The following PYROXD2 variants were observed in gnomAD, a reference collection of about 807,000 sequenced individuals.
PYROXD2 encodes the protein pyridine nucleotide-disulphide oxidoreductase domain 2, also known as pyridine nucleotide-disulfide oxidoreductase domain-containing protein 2.
PYROXD2 carries 69 observed loss-of-function variants against 71.1 expected under a neutral mutation model. The ratio of observed to expected loss-of-function variants is 0.97; its 90% CI spans 0.80 to 1.19. PYROXD2 has a LOEUF of 1.19. PYROXD2 is among the 50% of genes most tolerant of loss of function. PYROXD2 has a pLI of 0.00. For missense variants in PYROXD2, 745 were observed against 748.9 expected, an observed-to-expected ratio of 0.99 and a Z score of 0.06; for synonymous variants, 287 against 302.7, an observed-to-expected ratio of 0.95 and a Z score of 0.54.
intron 4 of PYROXD2, among the ~76,000 whole-genome samples, chr10:98,400,462 G>A (rs190672205): frequency 2.4e-4 from 37 of 151,928 alleles, no homozygotes; most frequent in African/African-American, 4.3e-4. Flanking sequence ...GTATCACATC[G>A]CAGTACACTA....
chr10:98,410,269 G>A (rs1843741677), intron 2 of PYROXD2, among the ~76,000 whole-genome samples: 1 of 152,232 alleles, frequency 6.6e-6, no homozygotes, highest in Non-Finnish European at 1.5e-5. Flanking sequence ...GCTGCTTCAA[G>A]AAGATGTTCC....
chr10:98,411,114 C>T, intron 1 of PYROXD2, 156 bp from the exon 2 acceptor site: 1 of 1,013,040 alleles, frequency 9.9e-7, no homozygotes, highest in South Asian at 1.6e-5. Context: ...GTTGGAACAG[C>T]ATCTAGTTCA....
At chr10:98,406,280 T>A (rs1486379395) in intron 4 of PYROXD2, among the ~76,000 whole-genome samples, 1 of 152,202 alleles carries the variant, frequency 6.6e-6, no homozygotes, top group Non-Finnish European at 1.5e-5. Context: ...AAGAGAATAA[T>A]CAAGTGAAAA....
At chr10:98,410,786 A>T in intron 2 of PYROXD2, 153 bp downstream of exon 2, 1 of 1,141,086 alleles carries the variant, frequency 8.8e-7, no homozygotes, top group Non-Finnish European at 1.2e-6. Flanking sequence ...CCCAGCCCCC[A>T]GTCAGCACTG....
intron 5 of PYROXD2, among the ~76,000 whole-genome samples, chr10:98,398,244 C>T (rs1024983346): frequency 1.2e-4 from 19 of 152,108 alleles, no homozygotes; most frequent in Admixed American, 1.3e-4. Flanking sequence ...TATTCTTTTC[C>T]GGTCTGTAGG....
At chr10:98,414,958 G>A in intron 1 of PYROXD2, 51 bp downstream of exon 1, 1 of 1,592,086 alleles carries the variant, frequency 6.3e-7, no homozygotes, top group Middle Eastern at 1.7e-4. Flanking sequence ...GCTCTGAGCA[G>A]GGCTGTCTTC....
intron 5 of PYROXD2, among the ~76,000 whole-genome samples, chr10:98,399,066 G>A (rs1198500049): frequency 1.2e-4 from 19 of 152,258 alleles, no homozygotes; most frequent in East Asian, 9.7e-4. Flanking sequence ...GCTTGAACCC[G>A]GGAGGCAGAG....
intron 4 of PYROXD2, among the ~76,000 whole-genome samples, chr10:98,404,560 GA>G (rs572189051): frequency 1.9e-3 from 286 of 151,774 alleles, no homozygotes; most frequent in Non-Finnish European, 3.7e-3. Flanking sequence ...TTAAAAAACA[GA>G]AAAAAAACCC....
chr10:98,393,210 A>G, intron 8 of PYROXD2, 127 bp from the exon 9 acceptor site: 2 of 726,264 alleles, frequency 2.8e-6, no homozygotes, highest in South Asian at 4.1e-5. Flanking sequence ...CTCTCCCAGC[A>G]GCCTTCAATG....
At chr10:98,392,723 G>A (rs1221063036) in intron 9 of PYROXD2, among the ~76,000 whole-genome samples, 157 bp from the exon 10 acceptor site, 1 of 152,204 alleles carries the variant, frequency 6.6e-6, no homozygotes, top group East Asian at 1.9e-4. Context: ...TGAAGCCTCA[G>A]CTTCTCCATG....
At chr10:98,388,622 T>C in intron 12 of PYROXD2, 114 bp from the exon 13 acceptor site, 1 of 1,168,290 alleles carries the variant, frequency 8.6e-7, no homozygotes, top group African/African-American at 1.6e-5. Context: ...TTCTGGGCGA[T>C]TGTCGCTCTA....
intron 5 of PYROXD2, among the ~76,000 whole-genome samples, chr10:98,399,518 G>A (rs1244669902): frequency 6.6e-6 from 1 of 152,108 alleles, no homozygotes; most frequent in Non-Finnish European, 1.5e-5. Flanking sequence ...AGTTCCAAGG[G>A]AAAAAAGTGC....
Position 98,391,080 on chromosome 10 carries a change from C to T in PYROXD2, c.1065G>A (p.Glu355=). ...TCTCCAGGAACTCCTCAGGAAGCCA[C>T]TCCTGGAAGGAGAAGGCTCCATGAA... The part of the protein sequence containing the change: ...QITFLKLTPQ[E]WLPEEFLERI... Residue 355 remains glutamate, a splice_region_variant and synonymous_variant, in exon 11 of 16, where the codon GAG becomes GAA. Coordinates refer to ENST00000370575, the MANE Select transcript of PYROXD2 (RefSeq NM_032709.3). 1 of 1,607,598 alleles carries T rather than the reference C, an allele frequency of 6.2e-7. No homozygotes were observed. Among genetic ancestry groups the T allele is most frequent in the Non-Finnish European group, 8.5e-7 (1 of 1,174,208 alleles).
At chr10:98,407,493 T>C in intron 4 of PYROXD2, 89 bp downstream of exon 4, 2 of 1,528,736 alleles carry the variant, frequency 1.3e-6, no homozygotes, top group Non-Finnish European at 1.8e-6. Context: ...GGGCATCACC[T>C]CGGGCACAGA....
intron 4 of PYROXD2, among the ~76,000 whole-genome samples, chr10:98,403,562 C>G (rs1261436673): frequency 6.6e-6 from 1 of 152,232 alleles, no homozygotes; most frequent in Non-Finnish European, 1.5e-5. Context: ...TCTGTCCACA[C>G]TGACCTGCCC....
intron 2 of PYROXD2, 108 bp from the exon 3 acceptor site, chr10:98,408,105 C>T (rs1003484409): frequency 4.0e-5 from 39 of 966,602 alleles, no homozygotes; most frequent in Admixed American, 9.2e-5. Flanking sequence ...CAGTATGGGC[C>T]ACACCCCATG....
At chr10:98,411,355 A>G (rs1843781653) in intron 1 of PYROXD2, 2 of 234,780 alleles carry the variant, frequency 8.5e-6, no homozygotes, top group Non-Finnish European at 1.7e-5. Context: ...TGCTGCGCCA[A>G]CGTCCCGTCT....
In PYROXD2 at chr10:98,407,920, A is replaced by G. The variant is rs139493386; in HGVS notation, c.225T>C (p.Thr75=). The G allele has an allele frequency of 1.2e-6, 2 of 1,609,536 alleles. No individual in the cohort carries two copies. The highest frequency in any genetic ancestry group is 1.1e-5 in the South Asian group (1 of 89,868). Residue 75 remains threonine (T), a synonymous_variant, in exon 3 of 16, where the codon ACT becomes ACC. Transcript: ENST00000370575. ...RRHVIGGAAV[T]EEIIPGFKFS... is the part of the protein sequence containing the mutation. ...AGAGCTCACCTGGGATGATCTCCTC[A>G]GTGACAGCTGCACCCCCGATCACAT...
rs973275705 is a variant in PYROXD2 at position 98,388,595 on chromosome 10, C to T, written c.1293-87G>A. On this transcript the variant is annotated intron_variant, in intron 12 of 15. Transcript: ENST00000370575. ...GAGATGACTTGGGACACAGTGGAGG[C>T]CCTGAGATGACACCAATTCTGGGCG... 52 of 1,347,442 alleles carry T rather than the reference C, an allele frequency of 3.9e-5. No homozygotes were observed. The South Asian group carries it at 4.0e-4, about 10-fold the overall frequency. The allele number at this position is 1,347,442 out of a possible 1,614,324, so 83.5% of individuals were successfully genotyped here.
Sources: allele counts gnomAD v4.1 joint callset (sites outside exome capture counted in the v4.1 genomes callset), GRCh38; gene constraint gnomAD v4.1.1; transcripts MANE v1.5; gene names NCBI Gene and HGNC (gene_info 2026-07-23, HGNC 2026-07-21).